SEMA4C: variants seen among roughly 807,000 people sequenced by gnomAD.
SEMA4C encodes the protein semaphorin-4C.
Under a neutral mutation model 89.0 loss-of-function variants are expected in SEMA4C, and 19 were observed. The ratio of observed to expected loss-of-function variants is 0.21; its 90% CI spans 0.15 to 0.31. SEMA4C has a LOEUF of 0.31. SEMA4C is among the 10% of genes least tolerant of loss of function. The probability of loss-of-function intolerance (pLI) is 1.00; values close to 1 mark genes in which losing one functional copy is unlikely to be tolerated. For missense variants in SEMA4C, 811 were observed against 1,107.0 expected (o/e 0.73, Z 3.79); for synonymous variants, 428 against 472.7 (o/e 0.91, Z 1.23).
chr2:96,869,968 T>C lies in SEMA4C; in HGVS notation c.-130A>G. On this transcript the variant is annotated 5_prime_UTR_variant, in exon 1 of 15. Transcript: ENST00000305476. ...CCCCCGCGTCGCCGCCTGCCCGCGC[T>C]CGCCCGCCAGCCCTCCGCGGCCTCT... 1.0e-6 allele frequency: 1 copy of C among 986,488 alleles called. No homozygotes were observed. Among genetic ancestry groups the C allele is most frequent in the Non-Finnish European group, 1.2e-6 (1 of 830,580 alleles). The allele number at this position is 986,488 out of a possible 1,614,324, so 61.1% of individuals were successfully genotyped here. A position where few individuals can be genotyped will look rare whatever the true frequency, so the allele number is the denominator to read the frequency against.
At position 96,861,949 on chromosome 2, in the gene SEMA4C, G is replaced by T; in HGVS notation, c.1444-55C>A. On this transcript the variant is annotated intron_variant, in intron 12 of 14. Transcript: ENST00000305476. This position sits in a 1 kb window ranked among gnomAD's most constrained non-coding sequence, Gnocchi z 7.8. ...GTCGGCCAGGGCCACACCACGGGAG[G>T]GGCGGCCGGACCAGAACGCAGCATG... 6.5e-7 allele frequency: 1 copy of T among 1,544,998 alleles called. No homozygotes were observed. The highest frequency in any genetic ancestry group is 8.7e-7 in the Non-Finnish European group (1 of 1,145,552).
In SEMA4C at chr2:96,861,152, A is replaced by AG; in HGVS notation, c.1975dup (p.Leu659ProfsTer44). 6.2e-7 allele frequency: 1 copy of AG among 1,610,758 alleles called. No homozygotes were observed. Among genetic ancestry groups the AG allele is most frequent in the Non-Finnish European group, 8.5e-7 (1 of 1,179,626 alleles). On this transcript the variant is annotated frameshift_variant, in exon 15 of 15. Transcript: ENST00000305476. LOFTEE classifies it high-confidence loss of function. This position sits in a 1 kb window ranked among gnomAD's most constrained non-coding sequence, Gnocchi z 7.8. The stretch of plus-strand genomic sequence containing the variant: ...CAGCCACACCAGCCCCAGGTTTTCC[A>AG]GGGGGGCCCGGGCCTCCAAGGTCAC...
Position 96,869,938 on chromosome 2 carries a change from CCCTGCCCCCGCGTCGCCG to C in SEMA4C, c.-118_-101del. 2 of 987,100 alleles carry C rather than the reference CCCTGCCCCCGCGTCGCCG, an allele frequency of 2.0e-6. No individual in the cohort carries two copies. The highest frequency in any genetic ancestry group is 2.4e-6 in the Non-Finnish European group (2 of 830,874). The allele number at this position is 987,100 out of a possible 1,614,324, so 61.1% of individuals were successfully genotyped here. A position where few individuals can be genotyped will look rare whatever the true frequency, so the allele number is the denominator to read the frequency against. On this transcript the variant is annotated 5_prime_UTR_variant, in exon 1 of 15. Transcript: ENST00000305476. ...GCGTTCGGCTCTGACCGCCGTCCAC[CCCTGCCCCCGCGTCGCCG>C]CCTGCCCGCGCTCGCCCGCCAGCCC... is the stretch of plus-strand genomic sequence containing the variant.
At position 96,868,170 on chromosome 2, in the gene SEMA4C, C is replaced by T. The variant is rs372235006; in HGVS notation, c.-37-247G>A. On this transcript the variant is annotated intron_variant, in intron 1 of 14. Coordinates refer to ENST00000305476, the MANE Select transcript of SEMA4C (RefSeq NM_017789.5). ...CTAAACAGGCTCCGGGAAGCCCTCCCTGGCCTCCAGACCCACCACTACCTC... is the reference window on the plus strand; with the variant it reads ...CTAAACAGGCTCCGGGAAGCCCTCCTTGGCCTCCAGACCCACCACTACCTC... Among the ~76,000 whole-genome samples, 89 of 152,342 alleles carry T rather than the reference C, an allele frequency of 5.8e-4. 1 individual carries two copies. In the East Asian group the frequency reaches 0.013, roughly 22 times the overall value.
chr2:96,866,015 GA>G, intron 3 of SEMA4C, 86 bp from the exon 4 acceptor site: 1 of 1,394,252 alleles, frequency 7.2e-7, no homozygotes, highest in Non-Finnish European at 1.0e-6. Flanking sequence ...GCAACACAGG[GA>G]CGCCCAGTGC....
chr2:96,865,952 C>T, intron 3 of SEMA4C, 23 bp from the exon 4 acceptor site: 1 of 1,612,410 alleles, frequency 6.2e-7, no homozygotes, highest in Non-Finnish European at 8.5e-7. Context: ...AAGGGGATGT[C>T]AGCCACGTTA....
intron 1 of SEMA4C, chr2:96,868,379 GT>G (rs2080130080): frequency 1.0e-6 from 1 of 990,484 alleles, no homozygotes; most frequent in Admixed American, 5.4e-5. Context: ...AGGGCATGCG[GT>G]GGGGTAGGCG....
intron 1 of SEMA4C, 78 bp downstream of exon 1, chr2:96,869,798 C>T (rs947814006): frequency 9.3e-5 from 92 of 984,986 alleles, no homozygotes; most frequent in Non-Finnish European, 1.1e-4. Flanking sequence ...GTCCGGCAGC[C>T]CCTGCCCAAG....
chr2:96,860,446 GC>G lies in SEMA4C; in HGVS notation c.*179del. The G allele has an allele frequency of 1.8e-6, 1 of 551,664 alleles. No individual in the cohort carries two copies. The highest frequency in any genetic ancestry group is 3.1e-6 in the Non-Finnish European group (1 of 322,688). 34.2% of individuals were successfully genotyped at this position (551,664 alleles called of 1,614,324 possible). A position where few individuals can be genotyped will look rare whatever the true frequency, so the allele number is the denominator to read the frequency against. ...TTCTGCGAGGCTGGTGCCCTGGTGA[GC>G]CACACCAAGTGGCAGTGCCCGTGCT... On this transcript the variant is annotated 3_prime_UTR_variant, in exon 15 of 15. Transcript: ENST00000305476.
Position 96,868,677 on chromosome 2 carries a change from C to T in SEMA4C, c.-37-754G>A, listed in dbSNP as rs559796759. On this transcript the variant is annotated intron_variant, in intron 1 of 14. Coordinates refer to ENST00000305476, the MANE Select transcript of SEMA4C (RefSeq NM_017789.5). ...CTCCTCCGAAACACCAGCCCTCTGG[C>T]GGAGGGGCGGTGGGGGGACCGAGCT... is the stretch of plus-strand genomic sequence containing the variant. 4 of 980,230 alleles carry T rather than the reference C, an allele frequency of 4.1e-6. 1 individual carries two copies. The highest frequency in any genetic ancestry group is 1.2e-6 in the Non-Finnish European group (1 of 828,700). The allele number at this position is 980,230 out of a possible 1,614,324, so 60.7% of individuals were successfully genotyped here. A position where few individuals can be genotyped will look rare whatever the true frequency, so the allele number is the denominator to read the frequency against.
chr2:96,867,915 C>A lies in SEMA4C; in HGVS notation c.-29G>T. On this transcript the variant is annotated 5_prime_UTR_variant, in exon 2 of 15. Transcript: ENST00000305476. ...GCACGCCCCGGCTCTGAGCTTCAGG[C>A]CAGCTGTCCTGCTGAGGGAAAAGAC... 2 of 1,613,236 alleles carry A rather than the reference C, an allele frequency of 1.2e-6. No homozygotes were observed. Among genetic ancestry groups the A allele is most frequent in the South Asian group, 1.1e-5 (1 of 91,074 alleles).
At chr2:96,868,345 G>T in intron 1 of SEMA4C, 1 of 872,430 alleles carries the variant, frequency 1.1e-6, no homozygotes, top group Non-Finnish European at 1.4e-6. Flanking sequence ...CCTAATTCTG[G>T]GAGGAAGACT....
chr2:96,870,065 C>T lies in SEMA4C; in HGVS notation c.-227G>A, dbSNP rs1335647353. 5.1e-6 allele frequency: 5 copies of T among 977,072 alleles called. No homozygotes were observed. The highest frequency in any genetic ancestry group is 1.8e-5 in the African/African-American group (1 of 57,090). 60.5% of individuals were successfully genotyped at this position (977,072 alleles called of 1,614,324 possible). A position where few individuals can be genotyped will look rare whatever the true frequency, so the allele number is the denominator to read the frequency against. On this transcript the variant is annotated 5_prime_UTR_variant, in exon 1 of 15. Coordinates refer to ENST00000305476, the MANE Select transcript of SEMA4C (RefSeq NM_017789.5). ...GGGCTCCCCGCGCCACCACGGCGGG[C>T]GCCGGCTCTTTCTCCAGCGCGGCCG...
rs1179322842 is a variant in SEMA4C at position 96,869,207 on chromosome 2, C to G, written c.-38+669G>C. On this transcript the variant is annotated intron_variant, in intron 1 of 14. Transcript: ENST00000305476. ...CTTACCCGAGGATCGGGCCGCACCCCGTGGCGTGCTCCGAGGATCCGCCCG... is the reference window on the plus strand; with the variant it reads ...CTTACCCGAGGATCGGGCCGCACCCGGTGGCGTGCTCCGAGGATCCGCCCG... 1.2e-5 allele frequency: 12 copies of G among 985,278 alleles called. No individual in the cohort carries two copies. The Admixed American group carries it at 1.8e-4, about 15-fold the overall frequency. The allele number at this position is 985,278 out of a possible 1,614,324, so 61.0% of individuals were successfully genotyped here. A position where few individuals can be genotyped will look rare whatever the true frequency, so the allele number is the denominator to read the frequency against.
chr2:96,865,901 T>G lies in SEMA4C; in HGVS notation c.287A>C (p.Lys96Thr). ...AISWEAPVEK[K>T]TECIQKGKNN... is the part of the protein sequence containing the mutation. ...CTTCCCTTTCTGGATACACTCAGTC[T>G]TCTTCTCCACGGGGGCCTCCCAGGA... Residue 96 changes from lysine (K) to threonine (T), a missense_variant, in exon 4 of 15, where the codon AAG becomes ACG. Physicochemically the swap from Lys to Thr is moderately conservative, Grantham distance 78. Coordinates refer to ENST00000305476, the MANE Select transcript of SEMA4C (RefSeq NM_017789.5). 2.5e-6 allele frequency: 4 copies of G among 1,614,104 alleles called. No homozygotes were observed. Among genetic ancestry groups the G allele is most frequent in the Non-Finnish European group, 3.4e-6 (4 of 1,180,020 alleles).
intron 12 of SEMA4C, 122 bp downstream of exon 12, chr2:96,863,560 G>T (rs1004656499): frequency 1.2e-5 from 15 of 1,207,110 alleles, no homozygotes; most frequent in Non-Finnish European, 1.6e-5. Flanking sequence ...GCATCCACAT[G>T]TGTGTGTGTT....
chr2:96,866,519 C>A (rs905588234), intron 2 of SEMA4C, 88 bp from the exon 3 acceptor site: 7 of 1,570,872 alleles, frequency 4.5e-6, no homozygotes, highest in Non-Finnish European at 5.3e-6. Context: ...GCACCCCATG[C>A]CACAAGCAGA....
Position 96,860,622 on chromosome 2 carries a change from C to T in SEMA4C, c.*4G>A, listed in dbSNP as rs199622289. On this transcript the variant is annotated 3_prime_UTR_variant, in exon 15 of 15. Coordinates refer to ENST00000305476, the MANE Select transcript of SEMA4C (RefSeq NM_017789.5). ...GCTTCCCGCCGACGCGGTGGGGGTT[C>T]CCCTCATACTGATGACTCCTCGGGG... The T allele has an allele frequency of 2.5e-6, 4 of 1,588,542 alleles. No individual in the cohort carries two copies.
In SEMA4C at chr2:96,870,056, C is replaced by T; in HGVS notation, c.-218G>A. On this transcript the variant is annotated 5_prime_UTR_variant, in exon 1 of 15. Transcript: ENST00000305476. Reference sequence around the variant, plus strand: ...CCTAGGCTCGGGCTCCCCGCGCCACCACGGCGGGCGCCGGCTCTTTCTCCA... The same window carrying T: ...CCTAGGCTCGGGCTCCCCGCGCCACTACGGCGGGCGCCGGCTCTTTCTCCA... 1.0e-6 allele frequency: 1 copy of T among 977,588 alleles called. No homozygotes were observed. The highest frequency in any genetic ancestry group is 1.2e-6 in the Non-Finnish European group (1 of 822,586). 60.6% of individuals were successfully genotyped at this position (977,588 alleles called of 1,614,324 possible). A position where few individuals can be genotyped will look rare whatever the true frequency, so the allele number is the denominator to read the frequency against.
Sources: gnomAD v4.1 joint callset for allele counts (sites outside exome capture counted in the v4.1 genomes callset) on GRCh38, gnomAD v4.1.1 for gene constraint, Gnocchi (gnomAD v3.1) non-coding constraint, MANE v1.5 for transcripts, NCBI Gene and HGNC (gene_info 2026-07-23, HGNC 2026-07-21) for gene names.